Variants in CCSER1 observed in about 807,000 individuals in gnomAD.
The protein encoded by CCSER1 is coiled-coil serine rich protein 1.
In CCSER1, 41 loss-of-function variants were observed where a neutral mutation model predicts 82.0. The observed-to-expected ratio is 0.50, with a 90% CI of 0.39 to 0.65. CCSER1 has a LOEUF of 0.65. Ranked by LOEUF, CCSER1 falls within the 30% of genes least tolerant of loss-of-function variation. The probability of loss-of-function intolerance (pLI) is 0.00; values close to 1 mark genes in which losing one functional copy is unlikely to be tolerated. For missense variants in CCSER1, 1,119 were observed against 1,064.2 expected, an observed-to-expected ratio of 1.05 and a Z score of -0.72; for synonymous variants, 414 against 383.9, an observed-to-expected ratio of 1.08 and a Z score of -0.92.
intron 1 of CCSER1, among the ~76,000 whole-genome samples, chr4:90,156,179 A>T (rs2153358223): frequency 6.6e-6 from 1 of 152,236 alleles, no homozygotes; most frequent in South Asian, 2.1e-4. Flanking sequence ...GTAATTGAGC[A>T]GTTTTGGGTG....
At chr4:91,484,626 A>T (rs1034407249) in intron 10 of CCSER1, among the ~76,000 whole-genome samples, 1 of 152,212 alleles carries the variant, frequency 6.6e-6, no homozygotes, top group South Asian at 2.1e-4. Flanking sequence ...TTATGAATTC[A>T]TACTATCTTC....
chr4:91,292,882 T>A (rs1743861706), intron 10 of CCSER1, among the ~76,000 whole-genome samples: 1 of 151,952 alleles, frequency 6.6e-6, no homozygotes, highest in Admixed American at 6.6e-5. Flanking sequence ...ATGCTCCATA[T>A]GTACCCCTCT....
At chr4:90,639,140 T>A (rs905772920) in intron 6 of CCSER1, among the ~76,000 whole-genome samples, 1 of 151,784 alleles carries the variant, frequency 6.6e-6, no homozygotes, top group Non-Finnish European at 1.5e-5. Context: ...TATTTGAGAT[T>A]TCTTAAACAC....
chr4:91,565,810 T>C (rs1560767882), intron 10 of CCSER1, among the ~76,000 whole-genome samples: 1 of 151,898 alleles, frequency 6.6e-6, no homozygotes, highest in South Asian at 2.1e-4. Flanking sequence ...TAGGGTTTTC[T>C]AGATATAGAA....
At chr4:90,384,013 T>G (rs1749621438) in intron 3 of CCSER1, among the ~76,000 whole-genome samples, 1 of 151,830 alleles carries the variant, frequency 6.6e-6, no homozygotes, top group African/African-American at 2.4e-5. Context: ...TCCTCCCACC[T>G]TGACCTCCCC....
intron 10 of CCSER1, among the ~76,000 whole-genome samples, chr4:91,592,354 G>T (rs1764308551): frequency 6.6e-6 from 1 of 152,098 alleles, no homozygotes. Flanking sequence ...GACATGTGGG[G>T]ATTACGGGAA....
chr4:91,314,726 C>A (rs1745709994), intron 10 of CCSER1, among the ~76,000 whole-genome samples: 1 of 151,984 alleles, frequency 6.6e-6, no homozygotes, highest in African/African-American at 2.4e-5. Context: ...AGATAATTGA[C>A]ATTTCTGGGT....
intron 3 of CCSER1, among the ~76,000 whole-genome samples, chr4:90,315,174 A>T (rs1735965203): frequency 6.6e-6 from 1 of 152,026 alleles, no homozygotes; most frequent in Non-Finnish European, 1.5e-5. Context: ...TAAGATTTAA[A>T]ACTTAAGAAA....
intron 1 of CCSER1, among the ~76,000 whole-genome samples, chr4:90,131,778 C>T (rs1371108689): frequency 2.6e-5 from 4 of 152,086 alleles, no homozygotes; most frequent in African/African-American, 9.7e-5. Flanking sequence ...AATTTTATGG[C>T]TATTTTAACT....
At chr4:91,394,350 A>C (rs2149353068) in intron 10 of CCSER1, among the ~76,000 whole-genome samples, 1 of 152,262 alleles carries the variant, frequency 6.6e-6, no homozygotes, top group African/African-American at 2.4e-5. Flanking sequence ...CATTAGAATA[A>C]GTTCCTCAGT....
intron 10 of CCSER1, among the ~76,000 whole-genome samples, chr4:91,395,538 A>T (rs1751924108): frequency 6.6e-6 from 1 of 152,096 alleles, no homozygotes; most frequent in South Asian, 2.1e-4. Context: ...CATTGGTGTC[A>T]ACTGAAGGAT....
intron 10 of CCSER1, among the ~76,000 whole-genome samples, chr4:91,168,891 T>C (rs1413756106): frequency 1.3e-5 from 2 of 152,178 alleles, no homozygotes; most frequent in Non-Finnish European, 2.9e-5. Flanking sequence ...TGTTAATCTA[T>C]AACCTTACCC....
rs575156526 is a variant in CCSER1, at chr4:90,748,082, T to A, written c.2010+24091T>A. 4.2e-5 allele frequency among the ~76,000 whole-genome samples: 6 copies of A among 142,986 alleles called. No homozygotes were observed. In the East Asian group the frequency reaches 6.6e-4, roughly 16 times the overall value. 93.8% of individuals were successfully genotyped at this position (142,986 alleles called of 152,430 possible). A position where few individuals can be genotyped will look rare whatever the true frequency, so the allele number is the denominator to read the frequency against. ...TTAAGTTTTAGGGTACATGTGCACA[T>A]TGTGCAGGTTAGTTACATATGTATA... is the stretch of plus-strand genomic sequence containing the variant. On this transcript the variant is annotated intron_variant, in intron 7 of 10. Transcript: ENST00000509176.
chr4:91,186,507 C>T (rs889939561), intron 10 of CCSER1, among the ~76,000 whole-genome samples: 11 of 152,206 alleles, frequency 7.2e-5, no homozygotes, highest in Non-Finnish European at 1.0e-4. Flanking sequence ...CCGTGATGGA[C>T]GCCACTTGCT....
intron 1 of CCSER1, among the ~76,000 whole-genome samples, chr4:90,191,642 A>T (rs1179176200): frequency 2.6e-5 from 4 of 152,006 alleles, no homozygotes; most frequent in Non-Finnish European, 5.9e-5. Flanking sequence ...TAGGAGAAGG[A>T]GCTGTGAGGA....
chr4:90,792,906 G>A lies in CCSER1; in HGVS notation c.2011-22856G>A, dbSNP rs547328782. On this transcript the variant is annotated intron_variant, in intron 7 of 10. Coordinates refer to ENST00000509176, the MANE Select transcript of CCSER1 (RefSeq NM_001145065.2). ...ATGGAGTAAAGGGGAGTGCTGATAG[G>A]GCTGGTACCTGGAGTGTGAGAGCCT... is the stretch of plus-strand genomic sequence containing the variant. Among the ~76,000 whole-genome samples, 306 of 152,308 alleles carry A rather than the reference G, an allele frequency of 2.0e-3. 1 individual carries two copies. Among genetic ancestry groups the A allele is most frequent in the African/African-American group, 6.9e-3 (288 of 41,570 alleles).
At chr4:91,260,672 T>C (rs1192697343) in intron 10 of CCSER1, among the ~76,000 whole-genome samples, 5 of 152,218 alleles carry the variant, frequency 3.3e-5, no homozygotes, top group African/African-American at 7.2e-5. Context: ...AAGAGTGATA[T>C]ACACTTTACA....
intron 10 of CCSER1, among the ~76,000 whole-genome samples, chr4:91,401,295 A>C (rs1752301747): frequency 6.7e-6 from 1 of 148,616 alleles, no homozygotes; most frequent in Admixed American, 6.8e-5. Context: ...TATACTATAT[A>C]GTATATACTA....
intron 1 of CCSER1, among the ~76,000 whole-genome samples, chr4:90,212,804 G>A (rs1448939105): frequency 6.6e-6 from 1 of 152,214 alleles, no homozygotes; most frequent in Non-Finnish European, 1.5e-5. Context: ...TGCAAAGATA[G>A]CATTTGAGCA....
Sources: gnomAD v4.1 joint callset for allele counts (sites outside exome capture counted in the v4.1 genomes callset) on GRCh38, gnomAD v4.1.1 for gene constraint, MANE v1.5 for transcripts, NCBI Gene and HGNC (gene_info 2026-07-23, HGNC 2026-07-21) for gene names.